Variants in FERMT3 observed in about 807,000 individuals in gnomAD.
The protein encoded by FERMT3 is fermitin family homolog 3.
Under a neutral mutation model 80.8 loss-of-function variants are expected in FERMT3, and 33 were observed. That is an observed-to-expected ratio of 0.41 (90% confidence interval 0.31 to 0.55). FERMT3 has a LOEUF of 0.55. Among genes scored for constraint, FERMT3 ranks in the 20% least tolerant of loss-of-function variants. The pLI is 0.31. For synonymous variants in FERMT3, 375 were observed against 372.2 expected, an observed-to-expected ratio of 1.01 and a Z score of -0.09; for missense variants, 754 against 908.7, an observed-to-expected ratio of 0.83 and a Z score of 2.19.
At chr11:64,208,761 T>G (rs1047033510) in intron 2 of FERMT3, among the ~76,000 whole-genome samples, 8 of 152,050 alleles carry the variant, frequency 5.3e-5, no homozygotes, top group Admixed American at 5.2e-4. Context: ...GGGCTGTGAA[T>G]TAGGGCTCTC....
chr11:64,213,248 C>T lies in FERMT3; in HGVS notation c.786+1501C>T, dbSNP rs540893745. Among the ~76,000 whole-genome samples the T allele has an allele frequency of 5.9e-5, 9 of 151,910 alleles. No individual in the cohort carries two copies. In the South Asian group the frequency reaches 6.3e-4, roughly 11 times the overall value. ...TTCACCATATTGGTCAGGCTGGTCT[C>T]GAACTCCTGACCTCAGGTGATCCAC... On this transcript the variant is annotated intron_variant, in intron 6 of 14. Transcript: ENST00000345728.
At chr11:64,207,300 C>CG in intron 1 of FERMT3, 51 bp from the exon 2 acceptor site, 1 of 1,610,192 alleles carries the variant, frequency 6.2e-7, no homozygotes, top group South Asian at 1.1e-5. Context: ...TGCCCAAACC[C>CG]GGAGGCCTAC....
chr11:64,220,438 G>C lies in FERMT3; in HGVS notation c.1314G>C (p.Glu438Asp). 1.5e-5 allele frequency: 24 copies of C among 1,611,110 alleles called. No individual in the cohort carries two copies. Among genetic ancestry groups the C allele is most frequent in the Non-Finnish European group, 1.9e-5 (23 of 1,179,488 alleles). ...TCCCCCTCACCCCTCTCGCCCAGGAGCAGCAGTATGCCCGCTGGATGGCTG... is the reference window on the plus strand; with the variant it reads ...TCCCCCTCACCCCTCTCGCCCAGGACCAGCAGTATGCCCGCTGGATGGCTG... ...MSEIYLRCQDEQQYARWMAGC... is the reference protein window; with the variant it reads ...MSEIYLRCQDDQQYARWMAGC... The change falls in exon 12 of 15, where the codon GAG becomes GAC. Residue 438 changes from glutamate (E) to aspartate (D), a missense_variant and splice_region_variant. Transcript: ENST00000345728.
Position 64,219,550 on chromosome 11 carries a change from C to G in FERMT3, c.921C>G (p.Ser307Arg). Residue 307 changes from serine (S) to arginine (R), a missense_variant, in exon 8 of 15, where the codon AGC becomes AGG. Coordinates refer to ENST00000345728, the MANE Select transcript of FERMT3 (RefSeq NM_031471.6). The surrounding 1 kb of genome is among the most constrained non-coding windows in gnomAD (Gnocchi z 4.0). Reference protein sequence around the residue: ...LQYHINKLSQSGEVGEPAGTD... With the variant: ...LQYHINKLSQRGEVGEPAGTD... ...ACCACATCAACAAGCTGTCCCAGAG[C>G]GGGGAGGTGGGGGAGCCGGCTGGCA... 1.9e-6 allele frequency: 3 copies of G among 1,610,586 alleles called. No individual in the cohort carries two copies. Among genetic ancestry groups the G allele is most frequent in the South Asian group, 1.1e-5 (1 of 90,922 alleles).
rs760781853 is a variant in FERMT3, at chr11:64,211,736, T to A, written c.775T>A (p.Leu259Met). Residue 259 changes from leucine to methionine, a missense_variant, in exon 6 of 15, where the codon TTG becomes ATG. Physicochemically the swap from Leu to Met is conservative, Grantham distance 15. Transcript: ENST00000345728. This position sits in a 1 kb window ranked among gnomAD's most constrained non-coding sequence, Gnocchi z 4.7. ...LRFKYYSFFD[L>M]DPKTDPVRLT... ...CTTCAAGTACTACAGCTTCTTCGAT[T>A]TGGATCCCAAGGTGGGTCGGGGCAG... 1 of 1,614,118 alleles carries A rather than the reference T, an allele frequency of 6.2e-7. No homozygotes were observed. The highest frequency in any genetic ancestry group is 2.2e-5 in the East Asian group (1 of 44,870).
Position 64,223,137 on chromosome 11 carries a change from C to G in FERMT3, c.1760C>G (p.Thr587Ser). The change falls in exon 14 of 15, where the codon ACC becomes AGC. Residue 587 changes from threonine to serine, a missense_variant. Thr to Ser is a moderately conservative substitution (Grantham distance 58). Transcript: ENST00000345728. ...IDLAVGDVVKTWRFSNMRQWN... is the reference protein window; with the variant it reads ...IDLAVGDVVKSWRFSNMRQWN... ...TTGGCCGTGGGCGACGTGGTCAAGACCTGGCGTTTCAGCAACATGCGCCAG... is the reference window on the plus strand; with the variant it reads ...TTGGCCGTGGGCGACGTGGTCAAGAGCTGGCGTTTCAGCAACATGCGCCAG... 2 of 1,613,960 alleles carry G rather than the reference C, an allele frequency of 1.2e-6. No individual in the cohort carries two copies. Among genetic ancestry groups the G allele is most frequent in the Non-Finnish European group, 1.7e-6 (2 of 1,180,044 alleles).
rs201170855 is a variant in FERMT3 at position 64,223,034 on chromosome 11, T to C, written c.1671-14T>C. On this transcript the variant is annotated splice_polypyrimidine_tract_variant and intron_variant, in intron 13 of 14. Transcript: ENST00000345728. Reference sequence around the variant, plus strand: ...GGGTGGAGCCCTGGCTCACTCTCTCTCCCTGGGGGCCAGGTTCAAGGGCAG... The same window carrying C: ...GGGTGGAGCCCTGGCTCACTCTCTCCCCCTGGGGGCCAGGTTCAAGGGCAG... The C allele has an allele frequency of 2.8e-4, 458 of 1,613,234 alleles. 2 individuals carry two copies. The East Asian group carries it at 9.9e-3, about 35-fold the overall frequency.
rs767132849 is a variant in FERMT3, at chr11:64,223,408, C to T, written c.1908C>T (p.Phe636=). 20 of 1,613,810 alleles carry T rather than the reference C, an allele frequency of 1.2e-5. No individual in the cohort carries two copies. The highest frequency in any genetic ancestry group is 3.3e-4 in the Middle Eastern group (2 of 6,062). ...ACGAGTATATCGGGGGCTACATTTT[C>T]CTGTCGACGCGGGAGCGGGCCCGTG... ...IVHEYIGGYI[F]LSTRERARGE... Residue 636 remains phenylalanine, a synonymous_variant, in exon 15 of 15, where the codon TTC becomes TTT. Coordinates refer to ENST00000345728, the MANE Select transcript of FERMT3 (RefSeq NM_031471.6).
chr11:64,221,759 T>A (rs1375586861), intron 13 of FERMT3, among the ~76,000 whole-genome samples: 2 of 151,376 alleles, frequency 1.3e-5, no homozygotes, highest in African/African-American at 4.9e-5. Context: ...AAACCCTGTC[T>A]CTACTAAAAA....
Position 64,223,357 on chromosome 11 carries a change from C to T in FERMT3, c.1857C>T (p.Cys619=), listed in dbSNP as rs199566381. ...FDEHINVAFS[C]VSASCRIVHE... ...AACACATCAATGTGGCCTTCAGCTGCGTGTCTGCCAGCTGCCGAATTGTAC... is the reference window on the plus strand; with the variant it reads ...AACACATCAATGTGGCCTTCAGCTGTGTGTCTGCCAGCTGCCGAATTGTAC... The change falls in exon 15 of 15, where the codon TGC becomes TGT. Residue 619 remains cysteine (C), a synonymous_variant. Coordinates refer to ENST00000345728, the MANE Select transcript of FERMT3 (RefSeq NM_031471.6). 19 of 1,613,962 alleles carry T rather than the reference C, an allele frequency of 1.2e-5. No individual in the cohort carries two copies. Among genetic ancestry groups the T allele is most frequent in the South Asian group, 3.3e-5 (3 of 91,088 alleles).
rs765206442 is a variant in FERMT3, at chr11:64,211,636, G to A, written c.684-9G>A. On this transcript the variant is annotated splice_polypyrimidine_tract_variant and intron_variant, in intron 5 of 14. Coordinates refer to ENST00000345728, the MANE Select transcript of FERMT3 (RefSeq NM_031471.6). This position sits in a 1 kb window ranked among gnomAD's most constrained non-coding sequence, Gnocchi z 4.7. ...CGCAGCCCTGACTGCTGCTTCTGCC[G>A]CGGCCCAGGTGGCTGGACTCGTCGC... 1.7e-5 allele frequency: 27 copies of A among 1,613,190 alleles called. No individual in the cohort carries two copies. Among genetic ancestry groups the A allele is most frequent in the South Asian group, 3.3e-5 (3 of 91,050 alleles).
At chr11:64,218,813 C>T (rs1946608279) in intron 6 of FERMT3, among the ~76,000 whole-genome samples, 1 of 152,202 alleles carries the variant, frequency 6.6e-6, no homozygotes. Context: ...TTGTCACCTC[C>T]TCAGGGAAGC....
chr11:64,207,663 G>C, intron 2 of FERMT3, 139 bp downstream of exon 2: 3 of 1,105,424 alleles, frequency 2.7e-6, no homozygotes, highest in Non-Finnish European at 3.8e-6. Context: ...TTAATCATTT[G>C]GTTCCAAAAA....
intron 6 of FERMT3, among the ~76,000 whole-genome samples, chr11:64,217,998 T>C (rs1264376731): frequency 6.9e-6 from 1 of 144,386 alleles, no homozygotes; most frequent in Non-Finnish European, 1.5e-5. Context: ...ATTTCCTTTT[T>C]CCTTTTTTTT....
intron 6 of FERMT3, among the ~76,000 whole-genome samples, chr11:64,218,295 C>T (rs977864689): frequency 2.6e-5 from 4 of 151,904 alleles, no homozygotes; most frequent in Admixed American, 2.0e-4. Flanking sequence ...TGAGCCACTG[C>T]GCCTGGCCTT....
intron 6 of FERMT3, among the ~76,000 whole-genome samples, chr11:64,214,035 G>A (rs60452247): frequency 0.3 from 44,903 of 152,110 alleles, 7,205 homozygotes; most frequent in Admixed American, 0.38. Flanking sequence ...AGTAGTGTCT[G>A]TAGTCTTTGG....
chr11:64,219,859 C>A lies in FERMT3; in HGVS notation c.1080-32C>A. 6.2e-7 allele frequency: 1 copy of A among 1,613,808 alleles called. No homozygotes were observed. The highest frequency in any genetic ancestry group is 8.5e-7 in the Non-Finnish European group (1 of 1,180,002). ...CTGCATATGGAGGGAGGGGGTGAGG[C>A]GGCCTTTCACAAACCCCAGCATCCC... On this transcript the variant is annotated intron_variant, in intron 9 of 14. Transcript: ENST00000345728. This position sits in a 1 kb window ranked among gnomAD's most constrained non-coding sequence, Gnocchi z 4.0.
At chr11:64,222,003 C>T (rs1462196496) in intron 13 of FERMT3, among the ~76,000 whole-genome samples, 1 of 151,890 alleles carries the variant, frequency 6.6e-6, no homozygotes, top group Non-Finnish European at 1.5e-5. Context: ...CTTTGGGAGA[C>T]CGAGGCGGGC....
Position 64,219,454 on chromosome 11 carries a change from C to T in FERMT3, c.895-70C>T. The T allele has an allele frequency of 6.4e-7, 1 of 1,558,796 alleles. No individual in the cohort carries two copies. The highest frequency in any genetic ancestry group is 1.4e-5 in the African/African-American group (1 of 73,488). On this transcript the variant is annotated intron_variant, in intron 7 of 14. Coordinates refer to ENST00000345728, the MANE Select transcript of FERMT3 (RefSeq NM_031471.6). The surrounding 1 kb of genome is among the most constrained non-coding windows in gnomAD (Gnocchi z 4.0). The stretch of plus-strand genomic sequence containing the variant: ...TGAGTGGGGGCTACCTCCAGGGAAG[C>T]CCGGCCTGGGGGTACTGCTAGGGGA...
Sources: allele counts gnomAD v4.1 joint callset (sites outside exome capture counted in the v4.1 genomes callset), GRCh38; gene constraint gnomAD v4.1.1; non-coding constraint Gnocchi (gnomAD v3.1); transcripts MANE v1.5; gene names NCBI Gene and HGNC (gene_info 2026-07-23, HGNC 2026-07-21).